The following IL1RAPL1 variants were observed in gnomAD, a reference collection of about 807,000 sequenced individuals.
IL1RAPL1 encodes the protein interleukin-1 receptor accessory protein-like 1.
In IL1RAPL1, 3 loss-of-function variants were observed where a neutral mutation model predicts 48.4. The ratio of observed to expected loss-of-function variants is 0.06; its 90% CI spans 0.03 to 0.16. IL1RAPL1 has a LOEUF of 0.16. Ranked by LOEUF, IL1RAPL1 falls within the 10% of genes least tolerant of loss-of-function variation. The probability of loss-of-function intolerance (pLI) is 1.00; values close to 1 mark genes in which losing one functional copy is unlikely to be tolerated. For missense variants in IL1RAPL1, 349 were observed against 530.6 expected (o/e 0.66, Z 3.36); for synonymous variants, 185 against 187.7 (o/e 0.99, Z 0.12).
intron 2 of IL1RAPL1, among the ~76,000 whole-genome samples, chrX:28,791,717 A>C (rs991245224): frequency 8.9e-6 from 1 of 111,950 alleles, no homozygotes. Flanking sequence ...CCTAGTGTCT[A>C]TATTAAGATC....
chrX:29,756,735 G>A (rs1928629577), intron 6 of IL1RAPL1, among the ~76,000 whole-genome samples: 1 of 112,052 alleles, frequency 8.9e-6, no homozygotes, highest in South Asian at 3.7e-4. Context: ...TTTATAATCT[G>A]TTATGGATTG....
At chrX:29,265,881 G>A (rs1260841508) in intron 2 of IL1RAPL1, among the ~76,000 whole-genome samples, 1 of 109,630 alleles carries the variant, frequency 9.1e-6, no homozygotes, top group Non-Finnish European at 1.9e-5. Flanking sequence ...ACCATCACTG[G>A]CCATCAGAGA....
chrX:29,469,444 C>T (rs1446940823), intron 5 of IL1RAPL1, among the ~76,000 whole-genome samples: 1 of 111,468 alleles, frequency 9.0e-6, no homozygotes, highest in Admixed American at 9.6e-5. Flanking sequence ...ACATTTTGTA[C>T]AATATTTCAT....
At chrX:28,907,232 TA>T (rs1428928362) in intron 2 of IL1RAPL1, among the ~76,000 whole-genome samples, 1 of 111,717 alleles carries the variant, frequency 9.0e-6, no homozygotes, top group Non-Finnish European at 1.9e-5. Context: ...CGGATTGCAT[TA>T]ATTGATGTTT....
chrX:29,185,087 C>T (rs1930224970), intron 2 of IL1RAPL1, among the ~76,000 whole-genome samples: 1 of 111,988 alleles, frequency 8.9e-6, no homozygotes, highest in South Asian at 3.7e-4. Flanking sequence ...ATCTTTATCA[C>T]TTTCAGTAAC....
At chrX:29,503,271 T>C (rs1268082384) in intron 5 of IL1RAPL1, among the ~76,000 whole-genome samples, 1 of 112,034 alleles carries the variant, frequency 8.9e-6, no homozygotes. Context: ...TGTACTTTTT[T>C]GCCTTATGTC....
At chrX:29,794,186 A>T (rs1251761785) in intron 6 of IL1RAPL1, among the ~76,000 whole-genome samples, 1 of 111,879 alleles carries the variant, frequency 8.9e-6, no homozygotes, top group Non-Finnish European at 1.9e-5. Flanking sequence ...AACTAACCCA[A>T]TCTATGAATG....
chrX:29,337,538 T>G (rs947989954), intron 3 of IL1RAPL1, among the ~76,000 whole-genome samples: 5 of 111,742 alleles, frequency 4.5e-5, no homozygotes, highest in Admixed American at 3.8e-4. Context: ...CTTAGAGAAG[T>G]ACCTTTACCT....
intron 1 of IL1RAPL1, among the ~76,000 whole-genome samples, chrX:28,598,717 C>G: frequency 9.4e-6 from 1 of 106,491 alleles, no homozygotes; most frequent in Middle Eastern, 4.8e-3. Context: ...CAACCTCTGC[C>G]TCCCGGGTTC....
At chrX:29,213,434 A>T (rs747212774) in intron 2 of IL1RAPL1, among the ~76,000 whole-genome samples, 2 of 112,894 alleles carry the variant, frequency 1.8e-5, no homozygotes, top group Non-Finnish European at 3.7e-5. Flanking sequence ...TAGTCTTTGT[A>T]TAGTAACCGG....
At chrX:29,879,443 T>C (rs1387577701) in intron 6 of IL1RAPL1, among the ~76,000 whole-genome samples, 1 of 106,802 alleles carries the variant, frequency 9.4e-6, no homozygotes, top group Non-Finnish European at 1.9e-5. Flanking sequence ...TGCATGTATT[T>C]GAACATATAT....
chrX:29,389,591 G>T (rs948812570), intron 3 of IL1RAPL1, among the ~76,000 whole-genome samples: 2 of 110,955 alleles, frequency 1.8e-5, no homozygotes, highest in Non-Finnish European at 3.8e-5. Context: ...AGAAATACTG[G>T]ACTAGAATTG....
At chrX:29,882,848 A>G (rs1181144170) in intron 6 of IL1RAPL1, among the ~76,000 whole-genome samples, 2 of 111,952 alleles carry the variant, frequency 1.8e-5, no homozygotes, top group South Asian at 3.7e-4. Context: ...GCCATACTGT[A>G]TTTCTCCAGA....
chrX:29,639,022 TA>T (rs1925070190), intron 5 of IL1RAPL1, among the ~76,000 whole-genome samples: 1 of 110,576 alleles, frequency 9.0e-6, no homozygotes, highest in Admixed American at 9.6e-5. Context: ...CCGTCTCTAC[TA>T]AAAATACGAA....
At chrX:29,946,366 C>A (rs1163244536) in intron 9 of IL1RAPL1, among the ~76,000 whole-genome samples, 23 of 111,834 alleles carry the variant, frequency 2.1e-4, no homozygotes, top group Admixed American at 1.8e-3. Flanking sequence ...ATGCAGAGTT[C>A]TAGTTAGAAT....
intron 5 of IL1RAPL1, among the ~76,000 whole-genome samples, chrX:29,584,254 T>C (rs1456538393): frequency 1.8e-5 from 2 of 111,312 alleles, no homozygotes; most frequent in Non-Finnish European, 3.8e-5. Context: ...CTACAGCAAT[T>C]CTCCTTTTTC....
intron 2 of IL1RAPL1, among the ~76,000 whole-genome samples, chrX:29,179,137 T>G (rs1333064116): frequency 9.0e-6 from 1 of 110,807 alleles, no homozygotes; most frequent in Non-Finnish European, 1.9e-5. Context: ...GTGAAGGAAG[T>G]CATTGGTAGC....
intron 5 of IL1RAPL1, among the ~76,000 whole-genome samples, chrX:29,460,409 C>T (rs1416818429): frequency 8.9e-6 from 1 of 112,023 alleles, no homozygotes; most frequent in Non-Finnish European, 1.9e-5. Context: ...TGATCTGTAA[C>T]GTTTAGCCTG....
At chrX:29,722,813 TTTGA>T (rs1180093529) in intron 6 of IL1RAPL1, among the ~76,000 whole-genome samples, 1 of 112,213 alleles carries the variant, frequency 8.9e-6, no homozygotes, top group Non-Finnish European at 1.9e-5. Flanking sequence ...ATTAAAATAT[TTTGA>T]TTAATTTAGG....
Sources: gnomAD v4.1 joint callset for allele counts (sites outside exome capture counted in the v4.1 genomes callset) on GRCh38, gnomAD v4.1.1 for gene constraint, MANE v1.5 for transcripts, NCBI Gene and HGNC (gene_info 2026-07-23, HGNC 2026-07-21) for gene names.